The following ZNF732 variants were observed in gnomAD, a reference collection of about 807,000 sequenced individuals.
ZNF732 encodes zinc finger protein LOC654254.
ZNF732 carries 12 observed loss-of-function variants against 11.5 expected under a neutral mutation model. The ratio of observed to expected loss-of-function variants is 1.05; its 90% CI spans 0.67 to 1.70. ZNF732 has a LOEUF of 1.70. ZNF732 is among the 40% of genes most tolerant of loss of function. The pLI is 0.00. For synonymous variants in ZNF732, 231 were observed against 236.5 expected (o/e 0.98, Z 0.21); for missense variants, 702 against 676.9 (o/e 1.04, Z -0.41).
chr4:276,567 A>G (rs1719501257), intron 3 of ZNF732, among the ~76,000 whole-genome samples: 1 of 151,970 alleles, frequency 6.6e-6, no homozygotes, highest in South Asian at 2.1e-4. Flanking sequence ...CTGCTTCTGC[A>G]TCAACAATAA....
intron 3 of ZNF732, among the ~76,000 whole-genome samples, chr4:291,866 A>C (rs1553841377): frequency 1.3e-5 from 2 of 152,244 alleles, no homozygotes; most frequent in African/African-American, 4.8e-5. Flanking sequence ...GCATAAATAC[A>C]GATATAAAAA....
At chr4:304,149 C>A (rs1553843980) in intron 1 of ZNF732, among the ~76,000 whole-genome samples, 1 of 152,094 alleles carries the variant, frequency 6.6e-6, no homozygotes, top group African/African-American at 2.4e-5. Flanking sequence ...GTCACGGGCA[C>A]AATTCCTGAG....
chr4:273,055 A>G (rs1233860942), intron 3 of ZNF732, among the ~76,000 whole-genome samples: 1 of 152,098 alleles, frequency 6.6e-6, no homozygotes, highest in Non-Finnish European at 1.5e-5. Context: ...TCTGCCTCCA[A>G]TAACAAAGAG....
intron 1 of ZNF732, 69 bp from the exon 2 acceptor site, chr4:296,224 T>G: frequency 1.3e-6 from 2 of 1,573,446 alleles, no homozygotes; most frequent in Non-Finnish European, 8.6e-7. Flanking sequence ...TTAAGAGAAC[T>G]AGTTCTGACA....
At chr4:278,633 A>G (rs1719549997) in intron 3 of ZNF732, among the ~76,000 whole-genome samples, 1 of 152,200 alleles carries the variant, frequency 6.6e-6, no homozygotes, top group Admixed American at 6.5e-5. Flanking sequence ...CGCAAACACA[A>G]TTTGACCTTT....
At chr4:293,408 T>C (rs1167363778) in intron 3 of ZNF732, among the ~76,000 whole-genome samples, 1 of 151,662 alleles carries the variant, frequency 6.6e-6, no homozygotes, top group Admixed American at 6.6e-5. Context: ...GAGGAAATGA[T>C]GCTAAATGAA....
At chr4:302,451 T>C (rs1374091216) in intron 1 of ZNF732, among the ~76,000 whole-genome samples, 1 of 152,176 alleles carries the variant, frequency 6.6e-6, no homozygotes. Context: ...ATACGGCTTA[T>C]TGTAATTTCA....
At chr4:287,888 A>G (rs1462310800) in intron 3 of ZNF732, among the ~76,000 whole-genome samples, 2 of 152,118 alleles carry the variant, frequency 1.3e-5, no homozygotes, top group Non-Finnish European at 2.9e-5. Context: ...AGGTGGTTGC[A>G]TCACTTTTTC....
At chr4:299,694 CT>C (rs1268663238) in intron 1 of ZNF732, among the ~76,000 whole-genome samples, 1,582 of 117,662 alleles carry the variant, frequency 0.013, 21 homozygotes, top group African/African-American at 0.034. Flanking sequence ...AATATATATA[CT>C]TTTTTTTTTT....
At position 295,449 on chromosome 4, in the gene ZNF732, G is replaced by C; in HGVS notation, c.215C>G (p.Ala72Gly). The C allele has an allele frequency of 1.2e-6, 2 of 1,606,578 alleles. No homozygotes were observed. The highest frequency in any genetic ancestry group is 1.7e-6 in the Non-Finnish European group (2 of 1,176,196). ...TCACTGTCACCTACCTGGGTGTTTGGCTACTGTCTCATGTATCTTCACTTT... is the reference window on the plus strand; with the variant it reads ...TCACTGTCACCTACCTGGGTGTTTGCCTACTGTCTCATGTATCTTCACTTT... ...PYKVKIHETV[A>G]KHPAVCSHFT... Residue 72 changes from alanine to glycine, a missense_variant, in exon 3 of 4, where the codon GCC becomes GGC. By Grantham distance (60) the Ala-to-Gly change is moderately conservative. Transcript: ENST00000419098.
In ZNF732 at chr4:299,450, T is replaced by C. The variant is rs200924020; in HGVS notation, c.4-3295A>G. On this transcript the variant is annotated intron_variant, in intron 1 of 3. Transcript: ENST00000419098. ...ACACATATGTGTATATATATATATATACACATATGTGTATATATATATACA... is the reference window on the plus strand; with the variant it reads ...ACACATATGTGTATATATATATATACACACATATGTGTATATATATATACA... Among the ~76,000 whole-genome samples, 317 of 72,670 alleles carry C rather than the reference T, an allele frequency of 4.4e-3. 25 individuals carry two copies. The highest frequency in any genetic ancestry group is 9.8e-3 in the South Asian group (14 of 1,434). 47.7% of individuals were successfully genotyped at this position (72,670 alleles called of 152,430 possible). A position where few individuals can be genotyped will look rare whatever the true frequency, so the allele number is the denominator to read the frequency against.
At position 305,399 on chromosome 4, in the gene ZNF732, G is replaced by C. The variant is rs1553844310; in HGVS notation, c.-89C>G. 1.9e-6 allele frequency: 3 copies of C among 1,576,628 alleles called. No individual in the cohort carries two copies. Among genetic ancestry groups the C allele is most frequent in the African/African-American group, 1.3e-5 (1 of 74,306 alleles). On this transcript the variant is annotated 5_prime_UTR_variant, in exon 1 of 4. Transcript: ENST00000419098. Reference sequence around the variant, plus strand: ...AGCGACGGAGGCTGAGGCTGTGACCGAATCACCGACGCCTCCCTGAGGGGT... The same window carrying C: ...AGCGACGGAGGCTGAGGCTGTGACCCAATCACCGACGCCTCCCTGAGGGGT...
intron 1 of ZNF732, among the ~76,000 whole-genome samples, chr4:298,580 G>T (rs11723803): frequency 0.28 from 42,215 of 152,010 alleles, 6,295 homozygotes; most frequent in South Asian, 0.38. Flanking sequence ...CAGGACATCC[G>T]CAGATGTCTC....
At chr4:295,227 G>A (rs1221927202) in intron 3 of ZNF732, among the ~76,000 whole-genome samples, 1 of 152,172 alleles carries the variant, frequency 6.6e-6, no homozygotes, top group Admixed American at 6.5e-5. Flanking sequence ...CTGTAAACTT[G>A]AAGGGAGATC....
intron 1 of ZNF732, among the ~76,000 whole-genome samples, chr4:298,751 C>T (rs1720016185): frequency 6.6e-6 from 1 of 152,152 alleles, no homozygotes. Context: ...AGCCCCTGTC[C>T]CTGATCAGCT....
chr4:271,875 G>A lies in ZNF732; in HGVS notation c.982C>T (p.His328Tyr), dbSNP rs542750425. 1.4e-4 allele frequency: 218 copies of A among 1,613,570 alleles called. No homozygotes were observed. The highest frequency in any genetic ancestry group is 1.8e-4 in the Non-Finnish European group (207 of 1,179,820). The stretch of plus-strand genomic sequence containing the variant: ...CATGTGTAGGGTTTCTCTCCAGTAT[G>A]AATTCTGTTATGTTTAGTAAGGGTT... ...STTLTKHNRI[H>Y]TGEKPYTCEE... Residue 328 changes from histidine to tyrosine, a missense_variant, in exon 4 of 4, where the codon CAT becomes TAT. This residue lies in a region of ZNF732 where 596 missense variants were observed against 557.9 expected (regional missense o/e 1.07). Coordinates refer to ENST00000419098, the MANE Select transcript of ZNF732 (RefSeq NM_001137608.3).
chr4:274,345 T>C (rs1028715875), intron 3 of ZNF732, among the ~76,000 whole-genome samples: 24 of 151,478 alleles, frequency 1.6e-4, no homozygotes, highest in African/African-American at 5.8e-4. Context: ...TAAAGAAATT[T>C]TATGTAATTC....
At chr4:283,240 T>C (rs1445637813) in intron 3 of ZNF732, among the ~76,000 whole-genome samples, 2 of 152,152 alleles carry the variant, frequency 1.3e-5, no homozygotes, top group African/African-American at 2.4e-5. Flanking sequence ...GCATCCCAGA[T>C]TGTGAGCTAA....
At chr4:286,198 G>A (rs1368273450) in intron 3 of ZNF732, among the ~76,000 whole-genome samples, 1 of 152,162 alleles carries the variant, frequency 6.6e-6, no homozygotes, top group Non-Finnish European at 1.5e-5. Flanking sequence ...AAGTGCTCAA[G>A]AATTGTCAAA....
Sources: gnomAD v4.1 joint callset for allele counts (sites outside exome capture counted in the v4.1 genomes callset) on GRCh38, gnomAD v4.1.1 for gene constraint, gnomAD v4.1.1 regional missense constraint, MANE v1.5 for transcripts, NCBI Gene and HGNC (gene_info 2026-07-23, HGNC 2026-07-21) for gene names.